Variants in SPACA6 observed in about 807,000 individuals in gnomAD.
SPACA6 encodes sperm acrosome associated 6.
For synonymous variants in SPACA6, 6 were observed against 1.5 expected (o/e 4.05, Z -2.21); for missense variants, 8 against 2.8 (o/e 2.88, Z -1.34).
chr19:51,693,348 C>T lies in SPACA6; in HGVS notation c.-179C>T, dbSNP rs2083392152. On this transcript the variant is annotated 5_prime_UTR_variant, in exon 1 of 9. Transcript: ENST00000637797. ...GAGCCTGGCGTCTGGCCCAACCACACACCTGGGGAATTGCTGGCCTGACTT... is the reference window on the plus strand; with the variant it reads ...GAGCCTGGCGTCTGGCCCAACCACATACCTGGGGAATTGCTGGCCTGACTT... 1 of 742,636 alleles carries T rather than the reference C, an allele frequency of 1.3e-6. No individual in the cohort carries two copies. The highest frequency in any genetic ancestry group is 2.5e-6 in the Non-Finnish European group (1 of 394,772). 46.0% of individuals were successfully genotyped at this position (742,636 alleles called of 1,614,324 possible).
chr19:51,689,541 CGGA>C (rs2083351824), upstream of SPACA6: 1 of 145,532 alleles, frequency 6.9e-6, no homozygotes, highest in South Asian at 2.2e-4. Context: ...CCCGGGGCGG[CGGA>C]GAAGACCCCT....
At chr19:51,707,222 C>G (rs572889328), downstream of SPACA6, among the ~76,000 whole-genome samples, 212 of 142,606 alleles carry the variant, frequency 1.5e-3, no homozygotes, top group African/African-American at 5.6e-3. Flanking sequence ...AACTGTTTCT[C>G]TCTCTCCCTT....
chr19:51,698,666 G>A (rs1265881553), intron 2 of SPACA6, among the ~76,000 whole-genome samples: 1 of 152,160 alleles, frequency 6.6e-6, no homozygotes, highest in East Asian at 1.9e-4. Flanking sequence ...CTCTCTCCAA[G>A]TGTATATCCA....
chr19:51,705,277 G>T (rs542368137), downstream of SPACA6: 1 of 394,430 alleles, frequency 2.5e-6, no homozygotes, highest in East Asian at 3.6e-5. Context: ...AATATGGCCC[G>T]CATAATGACA....
intron 2 of SPACA6, among the ~76,000 whole-genome samples, chr19:51,697,848 G>C (rs1321598395): frequency 1.3e-5 from 2 of 152,230 alleles, no homozygotes; most frequent in East Asian, 1.9e-4. Flanking sequence ...CTGACCACCA[G>C]GGTCAAATGT....
exon 3 of SPACA6, chr19:51,712,244 A>G (rs2083545079): frequency 2.6e-5 from 4 of 152,134 alleles, no homozygotes; most frequent in Admixed American, 2.6e-4. Context: ...CGAACTCGTG[A>G]CCTCAAGTGG....
At chr19:51,684,849 C>T (rs946836271), upstream of SPACA6, among the ~76,000 whole-genome samples, 8 of 152,156 alleles carry the variant, frequency 5.3e-5, no homozygotes, top group African/African-American at 1.7e-4. Flanking sequence ...TAGATCATCT[C>T]GTGATTTTAG....
At chr19:51,690,312 C>G (rs928124097), upstream of SPACA6, among the ~76,000 whole-genome samples, 1 of 152,020 alleles carries the variant, frequency 6.6e-6, no homozygotes, top group Admixed American at 6.5e-5. Flanking sequence ...TCCTTCAAAA[C>G]CCCAGAGTTC....
chr19:51,696,910 C>T (rs899834275), intron 2 of SPACA6, among the ~76,000 whole-genome samples: 1 of 152,122 alleles, frequency 6.6e-6, no homozygotes, highest in South Asian at 2.1e-4. Context: ...CCCTGGGGCC[C>T]GTGGGGCTGG....
intron 2 of SPACA6, among the ~76,000 whole-genome samples, chr19:51,700,017 G>A (rs1439621641): frequency 6.6e-5 from 10 of 152,178 alleles, no homozygotes; most frequent in African/African-American, 2.4e-5. Flanking sequence ...ACTTTGGGAG[G>A]CCGAGGCAGG....
At chr19:51,698,282 C>T (rs932871590) in intron 2 of SPACA6, among the ~76,000 whole-genome samples, 4 of 152,108 alleles carry the variant, frequency 2.6e-5, no homozygotes, top group Non-Finnish European at 5.9e-5. Context: ...GAGCTCCTGA[C>T]GATATGCAAC....
downstream of SPACA6, among the ~76,000 whole-genome samples, chr19:51,707,990 A>C (rs1170341665): frequency 2.6e-5 from 4 of 152,214 alleles, no homozygotes; most frequent in Non-Finnish European, 5.9e-5. Flanking sequence ...GAAGCTCTGC[A>C]AACCCCATAG....
rs1436522092 is a variant in SPACA6 at position 51,693,394 on chromosome 19, C to T, written c.-133C>T. The T allele has an allele frequency of 2.9e-6, 2 of 680,416 alleles. No homozygotes were observed. The highest frequency in any genetic ancestry group is 2.7e-5 in the East Asian group (1 of 37,328). The allele number at this position is 680,416 out of a possible 1,614,324, so 42.1% of individuals were successfully genotyped here. On this transcript the variant is annotated 5_prime_UTR_variant, in exon 1 of 9. Transcript: ENST00000637797. The stretch of plus-strand genomic sequence containing the variant: ...GACTTCTGACCCCTGACTCCTCATA[C>T]CCTTCCTCCAGAGCATGACATTTGA...
At chr19:51,683,907 TGGC>T in the SPACA6 span, among the ~76,000 whole-genome samples, 3 of 152,240 alleles carry the variant, frequency 2.0e-5, no homozygotes. Context: ...TTAATCACCT[TGGC>T]ATATGTAGTA....
downstream of SPACA6, chr19:51,705,209 G>T: frequency 2.5e-6 from 1 of 400,618 alleles, no homozygotes; most frequent in Middle Eastern, 3.1e-4. Flanking sequence ...CATCTCCGAA[G>T]GTGGTCACTA....
intron 1 of SPACA6, chr19:51,694,228 C>T (rs949564191): frequency 2.8e-6 from 1 of 357,652 alleles, no homozygotes; most frequent in Non-Finnish European, 5.0e-6. Flanking sequence ...GGATGGAAAC[C>T]CAGAGAGAGG....
upstream of SPACA6, among the ~76,000 whole-genome samples, chr19:51,690,259 G>A (rs950977856): frequency 3.3e-5 from 5 of 150,990 alleles, no homozygotes; most frequent in African/African-American, 7.3e-5. Flanking sequence ...TGAGCCCCCA[G>A]TCTGTTCTCT....
the SPACA6 span, among the ~76,000 whole-genome samples, chr19:51,682,975 G>A: frequency 2.6e-5 from 4 of 152,166 alleles, no homozygotes; most frequent in African/African-American, 4.8e-5. Flanking sequence ...CCCAGGAGGT[G>A]GAGACTGCAG....
At chr19:51,691,552 G>T (rs1039929764), upstream of SPACA6, among the ~76,000 whole-genome samples, 1 of 151,968 alleles carries the variant, frequency 6.6e-6, no homozygotes, top group South Asian at 2.1e-4. Context: ...ACAGAAGCGG[G>T]GAGAGGAGAG....
Sources: gnomAD v4.1 joint callset for allele counts (sites outside exome capture counted in the v4.1 genomes callset) on GRCh38, gnomAD v4.1.1 for gene constraint, MANE v1.5 for transcripts, NCBI Gene and HGNC (gene_info 2026-07-23, HGNC 2026-07-21) for gene names.